SORL1: variants seen among roughly 807,000 people sequenced by gnomAD.
The protein encoded by SORL1 is sortilin-related receptor.
In SORL1, 127 loss-of-function variants were observed where a neutral mutation model predicts 273.7. That is an observed-to-expected ratio of 0.46 (90% CI 0.40 to 0.54). The LOEUF (loss-of-function observed/expected upper bound fraction) is 0.54, where lower values mean the gene tolerates loss of function less well. Ranked by LOEUF, SORL1 falls within the 20% of genes least tolerant of loss-of-function variation. The pLI is 0.00. For synonymous variants in SORL1, 1,031 were observed against 1,067.4 expected (o/e 0.97, Z 0.66); for missense variants, 2,494 against 2,846.1 (o/e 0.88, Z 2.81).
chr11:121,627,400 C>A lies in SORL1; in HGVS notation c.6365-155C>A. On this transcript the variant is annotated intron_variant, in intron 46 of 47. Transcript: ENST00000260197. This position sits in a 1 kb window ranked among gnomAD's most constrained non-coding sequence, Gnocchi z 4.9. Reference sequence around the variant, plus strand: ...GGCAAGTAGTGGGGAAGCAATCAGGCATCACGCACATGCAGAAACGTCTCA... The same window carrying A: ...GGCAAGTAGTGGGGAAGCAATCAGGAATCACGCACATGCAGAAACGTCTCA... The A allele has an allele frequency of 1.5e-6, 1 of 647,546 alleles. No homozygotes were observed. Among genetic ancestry groups the A allele is most frequent in the Non-Finnish European group, 2.7e-6 (1 of 363,930 alleles). The allele number at this position is 647,546 out of a possible 1,614,324, so 40.1% of individuals were successfully genotyped here.
At position 121,554,282 on chromosome 11, in the gene SORL1, C is replaced by T. The variant is rs1009223918; in HGVS notation, c.2439+173C>T. On this transcript the variant is annotated intron_variant, in intron 17 of 47. Coordinates refer to ENST00000260197, the MANE Select transcript of SORL1 (RefSeq NM_003105.6). This position sits in a 1 kb window ranked among gnomAD's most constrained non-coding sequence, Gnocchi z 4.6. ...CTTCTGTGTTAGTATTTTTCTTTCT[C>T]TGTCTTCATCTGTTCATATAGGAAG... Among the ~76,000 whole-genome samples the T allele has an allele frequency of 6.6e-6, 1 of 152,200 alleles. No homozygotes were observed. The highest frequency in any genetic ancestry group is 1.5e-5 in the Non-Finnish European group (1 of 68,038).
rs1439356373 is a variant in SORL1 at position 121,554,796 on chromosome 11, G to A, written c.2440-391G>A. ...TGATGGCTAAGAGCCTCACAGGGAAGAAAGAGTATAAAAGCAGACACAAGA... is the reference window on the plus strand; with the variant it reads ...TGATGGCTAAGAGCCTCACAGGGAAAAAAGAGTATAAAAGCAGACACAAGA... On this transcript the variant is annotated intron_variant, in intron 17 of 47. Coordinates refer to ENST00000260197, the MANE Select transcript of SORL1 (RefSeq NM_003105.6). This position sits in a 1 kb window ranked among gnomAD's most constrained non-coding sequence, Gnocchi z 4.6. Among the ~76,000 whole-genome samples the A allele has an allele frequency of 6.6e-6, 1 of 152,190 alleles. No individual in the cohort carries two copies. Among genetic ancestry groups the A allele is most frequent in the Non-Finnish European group, 1.5e-5 (1 of 68,042 alleles).
intron 14 of SORL1, 60 bp downstream of exon 14, chr11:121,545,489 G>A: frequency 6.6e-7 from 1 of 1,510,018 alleles, no homozygotes; most frequent in Non-Finnish European, 9.2e-7. Flanking sequence ...GCAGTGTTGG[G>A]GGAAGAGATT....
At chr11:121,488,882 G>A (rs1476510825) in intron 4 of SORL1, among the ~76,000 whole-genome samples, 1 of 152,162 alleles carries the variant, frequency 6.6e-6, no homozygotes, top group Non-Finnish European at 1.5e-5. Flanking sequence ...ACCTTGGAAC[G>A]TTTTTTTGCA....
chr11:121,599,307 G>A (rs931914628), intron 32 of SORL1, among the ~76,000 whole-genome samples: 6 of 152,226 alleles, frequency 3.9e-5, no homozygotes, highest in Non-Finnish European at 8.8e-5. Flanking sequence ...CACTTTGGGA[G>A]GCCAAGGCGG....
rs1860822689 is a variant in SORL1 at position 121,452,647 on chromosome 11, G to GT, written c.285+37dup. The GT allele has an allele frequency of 7.0e-7, 1 of 1,423,552 alleles. No homozygotes were observed. Among genetic ancestry groups the GT allele is most frequent in the Non-Finnish European group, 9.2e-7 (1 of 1,091,054 alleles). The allele number at this position is 1,423,552 out of a possible 1,614,324, so 88.2% of individuals were successfully genotyped here. ...CAGTTTTGCAACCCGCCTCCCTCCA[G>GT]TTTTTTCCTCTCCCTGCACTTCCTC... is the stretch of plus-strand genomic sequence containing the variant. On this transcript the variant is annotated intron_variant, in intron 1 of 47. Coordinates refer to ENST00000260197, the MANE Select transcript of SORL1 (RefSeq NM_003105.6). This position sits in a 1 kb window ranked among gnomAD's most constrained non-coding sequence, Gnocchi z 5.3.
At chr11:121,471,077 A>G (rs1297296980) in intron 2 of SORL1, among the ~76,000 whole-genome samples, 1 of 152,054 alleles carries the variant, frequency 6.6e-6, no homozygotes, top group Admixed American at 6.5e-5. Context: ...TGTCATTTCC[A>G]CTTTTGATGG....
intron 6 of SORL1, among the ~76,000 whole-genome samples, chr11:121,508,778 T>A (rs1173562802): frequency 1.3e-5 from 2 of 152,240 alleles, no homozygotes; most frequent in Non-Finnish European, 2.9e-5. Flanking sequence ...TGAGTAAATG[T>A]GCCTTGGATT....
intron 12 of SORL1, among the ~76,000 whole-genome samples, chr11:121,538,978 C>T (rs536631159): frequency 4.6e-5 from 7 of 152,210 alleles, no homozygotes; most frequent in South Asian, 4.1e-4. Context: ...TGCCTGGCCC[C>T]GGCATTTATT....
At chr11:121,561,433 C>G (rs1042971744) in intron 21 of SORL1, among the ~76,000 whole-genome samples, 1 of 152,160 alleles carries the variant, frequency 6.6e-6, no homozygotes, top group African/African-American at 2.4e-5. Flanking sequence ...GTGTAGTTTC[C>G]CTTTCATGCC....
At position 121,590,070 on chromosome 11, in the gene SORL1, G is replaced by A. The variant is rs1863185854; in HGVS notation, c.4109G>A (p.Arg1370His). The change falls in exon 30 of 48, where the codon CGC becomes CAC. Residue 1370 changes from arginine to histidine, a missense_variant. Physicochemically the swap from Arg to His is conservative, Grantham distance 29. Transcript: ENST00000260197. ...ENPTEAPNCS[R>H]YFQFRCENGH... The stretch of plus-strand genomic sequence containing the variant: ...CCCACAGAAGCCCCAAACTGCTCCC[G>A]CTACTTCCAGTTTCGGTGTGAGAAT... 2.5e-6 allele frequency: 4 copies of A among 1,614,102 alleles called. No homozygotes were observed. Among genetic ancestry groups the A allele is most frequent in the Non-Finnish European group, 3.4e-6 (4 of 1,179,984 alleles).
At chr11:121,558,510 T>G in intron 19 of SORL1, 81 bp from the exon 20 acceptor site, 3 of 1,485,338 alleles carry the variant, frequency 2.0e-6, no homozygotes, top group Non-Finnish European at 2.8e-6. Flanking sequence ...GAAAGGAGTT[T>G]CTGACCTTTT....
chr11:121,473,574 AG>A (rs33961761), intron 2 of SORL1, among the ~76,000 whole-genome samples: 40,473 of 152,212 alleles, frequency 0.27, 6,859 homozygotes, highest in East Asian at 0.45. Context: ...AGAGCTGTCC[AG>A]GGGTACAGTC....
intron 1 of SORL1, among the ~76,000 whole-genome samples, chr11:121,458,779 C>CAGGGT (rs1278993287): frequency 2.0e-5 from 3 of 152,170 alleles, no homozygotes; most frequent in Non-Finnish European, 4.4e-5. Context: ...CCAGAAAAGG[C>CAGGGT]AGGGTGGGCT....
At chr11:121,485,966 G>T (rs574591409) in intron 3 of SORL1, among the ~76,000 whole-genome samples, 6 of 152,306 alleles carry the variant, frequency 3.9e-5, no homozygotes, top group African/African-American at 1.4e-4. Context: ...GAAGTTTATG[G>T]TCTGGATTTG....
In SORL1 at chr11:121,456,865, G is replaced by T. The variant is rs540719725; in HGVS notation, c.285+4249G>T. Among the ~76,000 whole-genome samples the T allele has an allele frequency of 1.1e-4, 16 of 152,308 alleles. No individual in the cohort carries two copies. In the South Asian group the frequency reaches 2.5e-3, roughly 24 times the overall value. ...GCCCTGGGACAAAAGGCCTCCTTTGGGGGTGGAATACCGTTCAGCTTTAGA... is the reference window on the plus strand; with the variant it reads ...GCCCTGGGACAAAAGGCCTCCTTTGTGGGTGGAATACCGTTCAGCTTTAGA... On this transcript the variant is annotated intron_variant, in intron 1 of 47. Coordinates refer to ENST00000260197, the MANE Select transcript of SORL1 (RefSeq NM_003105.6).
intron 5 of SORL1, among the ~76,000 whole-genome samples, chr11:121,491,519 C>T (rs989615223): frequency 5.9e-5 from 9 of 152,144 alleles, no homozygotes; most frequent in Non-Finnish European, 5.9e-5. Context: ...CTTGACCCCT[C>T]GCAAATTGAC....
intron 26 of SORL1, among the ~76,000 whole-genome samples, chr11:121,585,030 T>C (rs1177587347): frequency 6.6e-6 from 1 of 152,254 alleles, no homozygotes; most frequent in Non-Finnish European, 1.5e-5. Flanking sequence ...CCTCAGGCTC[T>C]TAGCATTTCT....
chr11:121,601,482 A>G (rs1231021164), intron 32 of SORL1, among the ~76,000 whole-genome samples: 3 of 151,496 alleles, frequency 2.0e-5, no homozygotes, highest in Non-Finnish European at 2.9e-5. Flanking sequence ...ACTGACTTCC[A>G]CAATGGTTGA....
Sources: gnomAD v4.1 joint callset for allele counts (sites outside exome capture counted in the v4.1 genomes callset) on GRCh38, gnomAD v4.1.1 for gene constraint, Gnocchi (gnomAD v3.1) non-coding constraint, MANE v1.5 for transcripts, NCBI Gene and HGNC (gene_info 2026-07-23, HGNC 2026-07-21) for gene names.